The following ZBED4 variants were observed in gnomAD, a reference collection of about 807,000 sequenced individuals.
ZBED4 encodes the protein zinc finger BED domain-containing protein 4.
ZBED4 carries 4 observed loss-of-function variants against 15.5 expected under a neutral mutation model. That is an observed-to-expected ratio of 0.26 (90% CI 0.13 to 0.59). ZBED4 has a LOEUF of 0.59. Ranked by LOEUF, ZBED4 falls within the 20% of genes least tolerant of loss-of-function variation. ZBED4 has a pLI of 0.90. For missense variants in ZBED4, 1,323 were observed against 1,461.8 expected, an observed-to-expected ratio of 0.91 and a Z score of 1.55; for synonymous variants, 692 against 608.5, an observed-to-expected ratio of 1.14 and a Z score of -2.02.
intron 1 of ZBED4, among the ~76,000 whole-genome samples, chr22:49,868,052 C>G (rs772475335): frequency 1.3e-5 from 2 of 152,202 alleles, no homozygotes; most frequent in Admixed American, 1.3e-4. Flanking sequence ...TTCACACCAT[C>G]GTAAAGTTGC....
chr22:49,857,245 C>T (rs2060278539), intron 1 of ZBED4, among the ~76,000 whole-genome samples: 1 of 152,228 alleles, frequency 6.6e-6, no homozygotes, highest in Non-Finnish European at 1.5e-5. Context: ...GTGAGAGACT[C>T]CCCAGCAGCG....
chr22:49,859,615 C>A (rs1209409425), intron 1 of ZBED4, among the ~76,000 whole-genome samples: 1 of 152,206 alleles, frequency 6.6e-6, no homozygotes, highest in Non-Finnish European at 1.5e-5. Context: ...AGTCATTGTG[C>A]TTGTCTGTTA....
upstream of ZBED4, chr22:49,852,950 C>A (rs1189973932): frequency 6.6e-6 from 1 of 152,286 alleles, no homozygotes; most frequent in Non-Finnish European, 1.5e-5. Context: ...AGTCGGCGTG[C>A]GGGTGAAGGG....
chr22:49,855,637 C>G (rs1158253935), intron 1 of ZBED4, among the ~76,000 whole-genome samples: 1 of 152,148 alleles, frequency 6.6e-6, no homozygotes, highest in Non-Finnish European at 1.5e-5. Context: ...GAGTGGACTC[C>G]TGGCGGCATG....
intron 1 of ZBED4, among the ~76,000 whole-genome samples, chr22:49,862,874 G>A (rs1264797931): frequency 6.6e-6 from 1 of 151,740 alleles, no homozygotes; most frequent in Non-Finnish European, 1.5e-5. Context: ...GCTAATTTTT[G>A]TAGTTTTAGT....
Position 49,885,985 on chromosome 22 carries a change from G to A in ZBED4, c.2323G>A (p.Val775Met), listed in dbSNP as rs1569165778. Residue 775 changes from valine (V) to methionine (M), a missense_variant, in exon 2 of 2, where the codon GTG (valine) becomes ATG (methionine). Transcript: ENST00000216268. ...CTCGGCGCTGTTGGACGTGTCGCAGGTGGACTGCGACTACAGTGGCAACAG... is the reference window on the plus strand; with the variant it reads ...CTCGGCGCTGTTGGACGTGTCGCAGATGGACTGCGACTACAGTGGCAACAG... ...HCSALLDVSQVDCDYSGNSIQ... is the reference protein window; with the variant it reads ...HCSALLDVSQMDCDYSGNSIQ... 1 of 698,652 alleles carries A rather than the reference G, an allele frequency of 1.4e-6. No individual in the cohort carries two copies. Among genetic ancestry groups the A allele is most frequent in the Non-Finnish European group, 2.6e-6 (1 of 382,682 alleles). The allele number at this position is 698,652 out of a possible 1,614,324, so 43.3% of individuals were successfully genotyped here. A position where few individuals can be genotyped will look rare whatever the true frequency, so the allele number is the denominator to read the frequency against.
intron 1 of ZBED4, among the ~76,000 whole-genome samples, chr22:49,877,840 GC>G (rs1469454391): frequency 2.6e-5 from 4 of 152,058 alleles, no homozygotes; most frequent in Non-Finnish European, 5.9e-5. Context: ...GCACAGACCT[GC>G]CCTTTGGCCT....
In ZBED4 at chr22:49,885,883, C is replaced by T. The variant is rs1439241526; in HGVS notation, c.2221C>T (p.Arg741Cys). Residue 741 changes from arginine (R) to cysteine (C), a missense_variant, in exon 2 of 2, where the codon CGT becomes TGT. Physicochemically the swap from Arg to Cys is radical, Grantham distance 180 (BLOSUM62 -3). Around this residue, in one of 6 missense-constraint regions of ZBED4, gnomAD observed 89 missense variants for 129.8 expected, o/e 0.69. Transcript: ENST00000216268. ...TSGIWMSNQT[R>C]EYLTLTAHWV... ...TGGAATATGGATGAGTAACCAGACCCGTGAGTACCTGACCCTCACGGCCCA... is the reference window on the plus strand; with the variant it reads ...TGGAATATGGATGAGTAACCAGACCTGTGAGTACCTGACCCTCACGGCCCA... 1.7e-6 allele frequency: 2 copies of T among 1,208,512 alleles called. No individual in the cohort carries two copies. The highest frequency in any genetic ancestry group is 2.4e-6 in the Non-Finnish European group (2 of 817,358). 74.9% of individuals were successfully genotyped at this position (1,208,512 alleles called of 1,614,324 possible).
At chr22:49,874,132 C>T (rs1292063230) in intron 1 of ZBED4, among the ~76,000 whole-genome samples, 1 of 152,152 alleles carries the variant, frequency 6.6e-6, no homozygotes, top group African/African-American at 2.4e-5. Context: ...CTCTGACAGC[C>T]GCCTCCTGCC....
At chr22:49,876,975 A>G (rs2060379569) in intron 1 of ZBED4, among the ~76,000 whole-genome samples, 1 of 152,246 alleles carries the variant, frequency 6.6e-6, no homozygotes, top group Non-Finnish European at 1.5e-5. Flanking sequence ...CTGATGATTC[A>G]GATGACTCTG....
rs1254423336 is a variant in ZBED4 at position 49,885,318 on chromosome 22, G to A, written c.1656G>A (p.Met552Ile). The A allele has an allele frequency of 6.3e-7, 1 of 1,593,214 alleles. No homozygotes were observed. The highest frequency in any genetic ancestry group is 1.4e-5 in the African/African-American group (1 of 73,982). ...TGGTCACAAAAAACAATCAAGTTATGTTTCCTGTTAATAGCAAAAAGACCT... is the reference window on the plus strand; with the variant it reads ...TGGTCACAAAAAACAATCAAGTTATATTTCCTGTTAATAGCAAAAAGACCT... The part of the protein sequence containing the change: ...PTVVTKNNQV[M>I]FPVNSKKTSK... The change falls in exon 2 of 2, where the codon ATG becomes ATA. Residue 552 changes from methionine to isoleucine, a missense_variant. Met to Ile is a conservative substitution (Grantham distance 10). Around this residue, in one of 6 missense-constraint regions of ZBED4, gnomAD observed 429 missense variants for 397.9 expected, o/e 1.08. Coordinates refer to ENST00000216268, the MANE Select transcript of ZBED4 (RefSeq NM_014838.3).
intron 1 of ZBED4, among the ~76,000 whole-genome samples, chr22:49,865,954 C>G (rs2060320739): frequency 6.6e-6 from 1 of 151,864 alleles, no homozygotes; most frequent in African/African-American, 2.4e-5. Flanking sequence ...TCAAGCAGCC[C>G]TCCCGCCTCC....
chr22:49,877,966 T>A lies in ZBED4; in HGVS notation c.-329-5368T>A, dbSNP rs916637975. Among the ~76,000 whole-genome samples, 4 of 152,166 alleles carry A rather than the reference T, an allele frequency of 2.6e-5. No homozygotes were observed. In the South Asian group the frequency reaches 6.2e-4, roughly 24 times the overall value. On this transcript the variant is annotated intron_variant, in intron 1 of 1. Coordinates refer to ENST00000216268, the MANE Select transcript of ZBED4 (RefSeq NM_014838.3). ...GGCTGTATCACAATTTGTCTTCTAG[T>A]TTTTAGATACTACATATAAAGCTGC...
At chr22:49,873,719 C>A (rs531471414) in intron 1 of ZBED4, among the ~76,000 whole-genome samples, 1 of 152,182 alleles carries the variant, frequency 6.6e-6, no homozygotes, top group African/African-American at 2.4e-5. Flanking sequence ...GGTCTTCCCA[C>A]CTCATCACCC....
At position 49,887,119 on chromosome 22, in the gene ZBED4, C is replaced by G. The variant is rs763700504; in HGVS notation, c.3457C>G (p.His1153Asp). ...TGGCCAATCCAGGCTCATGATGGAA[C>G]ATTTTGAAAAACTTATCTTTTTGAA... ...SLGQSRLMME[H>D]FEKLIFLKVN... is the part of the protein sequence containing the mutation. The change falls in exon 2 of 2, where the codon CAT becomes GAT. Residue 1153 changes from histidine (H) to aspartate (D), a missense_variant. Transcript: ENST00000216268. 1.9e-6 allele frequency: 3 copies of G among 1,612,688 alleles called. No homozygotes were observed. The Admixed American group carries it at 5.1e-5, about 27-fold the overall frequency.
At chr22:49,872,091 C>G (rs1041591869) in intron 1 of ZBED4, among the ~76,000 whole-genome samples, 1 of 152,196 alleles carries the variant, frequency 6.6e-6, no homozygotes, top group African/African-American at 2.4e-5. Flanking sequence ...TCGATTAACT[C>G]TTCTATGAAA....
rs532508029 is a variant in ZBED4 at position 49,856,946 on chromosome 22, C to G, written c.-330+2957C>G. The stretch of plus-strand genomic sequence containing the variant: ...TGGCCCATGTCTTTCCCAGCAAACT[C>G]TGTGTGCAATAGAAACAGCTGATGC... On this transcript the variant is annotated intron_variant, in intron 1 of 1. Coordinates refer to ENST00000216268, the MANE Select transcript of ZBED4 (RefSeq NM_014838.3). 8.5e-5 allele frequency among the ~76,000 whole-genome samples: 13 copies of G among 152,330 alleles called. No homozygotes were observed. In the South Asian group the frequency reaches 2.7e-3, roughly 32 times the overall value.
In ZBED4 at chr22:49,884,858, C is replaced by G. The variant is rs1306507159; in HGVS notation, c.1196C>G (p.Ser399Cys). ...SPDRLTEDLQ[S>C]HLNPGDGLME... is the part of the protein sequence containing the mutation. ...GACAGGCTGACTGAGGACTTGCAGT[C>G]TCACTTGAACCCTGGAGATGGGCTG... Residue 399 changes from serine to cysteine, a missense_variant, in exon 2 of 2, where the codon TCT becomes TGT. Coordinates refer to ENST00000216268, the MANE Select transcript of ZBED4 (RefSeq NM_014838.3). 3.0e-5 allele frequency: 49 copies of G among 1,607,768 alleles called. No individual in the cohort carries two copies. The highest frequency in any genetic ancestry group is 3.7e-5 in the Non-Finnish European group (44 of 1,175,360).
chr22:49,876,116 A>G (rs1016304654), intron 1 of ZBED4, among the ~76,000 whole-genome samples: 2 of 151,942 alleles, frequency 1.3e-5, no homozygotes, highest in Non-Finnish European at 2.9e-5. Flanking sequence ...GTATTGCTGA[A>G]GTTTTATTCA....
Sources: gnomAD v4.1 joint callset for allele counts (sites outside exome capture counted in the v4.1 genomes callset) on GRCh38, gnomAD v4.1.1 for gene constraint, gnomAD v4.1.1 regional missense constraint, MANE v1.5 for transcripts, NCBI Gene and HGNC (gene_info 2026-07-23, HGNC 2026-07-21) for gene names.